The following UROS variants were observed in gnomAD, a reference collection of about 807,000 sequenced individuals.
UROS encodes the protein uroporphyrinogen III synthase.
UROS carries 18 observed loss-of-function variants against 33.0 expected under a neutral mutation model. The ratio of observed to expected loss-of-function variants is 0.55; its 90% CI spans 0.38 to 0.81. The LOEUF is 0.81. UROS is among the 30% of genes least tolerant of loss of function. The pLI, the probability that UROS is intolerant of heterozygous loss-of-function variation, is 0.00. For missense variants in UROS, 293 were observed against 314.9 expected (o/e 0.93, Z 0.53); for synonymous variants, 114 against 121.1 (o/e 0.94, Z 0.38).
chr10:125,802,304 G>A, intron 6 of UROS: 1 of 985,964 alleles, frequency 1.0e-6, no homozygotes, highest in South Asian at 4.7e-5. Context: ...AGTGCTCTCT[G>A]ATCCGGAAAG....
intron 6 of UROS, among the ~76,000 whole-genome samples, chr10:125,805,199 C>T (rs142336577): frequency 2.0e-5 from 3 of 152,218 alleles, no homozygotes; most frequent in African/African-American, 7.2e-5. Context: ...AGAAAAGGCC[C>T]GTGTAGTTCC....
chr10:125,809,967 T>C (rs1392638940), intron 5 of UROS, among the ~76,000 whole-genome samples: 1 of 152,232 alleles, frequency 6.6e-6, no homozygotes, highest in Non-Finnish European at 1.5e-5. Flanking sequence ...TCACTGGACT[T>C]CCACACCGAA....
chr10:125,819,166 T>C (rs1438290877), intron 1 of UROS, among the ~76,000 whole-genome samples: 1 of 152,204 alleles, frequency 6.6e-6, no homozygotes, highest in Admixed American at 6.5e-5. Context: ...TGTATTTTAG[T>C]AGAGATGGGG....
At chr10:125,789,424 A>C in intron 9 of UROS, 1 of 1,093,276 alleles carries the variant, frequency 9.1e-7, no homozygotes, top group Non-Finnish European at 1.1e-6. Context: ...AAGTAGAGCC[A>C]TCAAGGTCAG....
At chr10:125,807,694 G>C (rs1467862579) in intron 5 of UROS, among the ~76,000 whole-genome samples, 2 of 152,158 alleles carry the variant, frequency 1.3e-5, no homozygotes, top group Non-Finnish European at 2.9e-5. Flanking sequence ...CAGTTGTGTA[G>C]GCTGGGTAAG....
chr10:125,789,294 T>C, intron 9 of UROS: 1 of 1,367,210 alleles, frequency 7.3e-7, no homozygotes, highest in Non-Finnish European at 9.5e-7. Context: ...ATCACGGCTG[T>C]GTCAGTGCAG....
intron 6 of UROS, among the ~76,000 whole-genome samples, chr10:125,798,976 C>T (rs1044620941): frequency 2.6e-5 from 4 of 152,158 alleles, no homozygotes; most frequent in Non-Finnish European, 2.9e-5. Flanking sequence ...CACATCCATC[C>T]GTAAGACATA....
intron 6 of UROS, chr10:125,803,024 C>A: frequency 6.2e-7 from 1 of 1,612,894 alleles, no homozygotes; most frequent in Non-Finnish European, 8.5e-7. Flanking sequence ...GACTTCTTCA[C>A]CTGAGGGAAG....
At chr10:125,796,883 C>T (rs1851415501) in intron 7 of UROS, 1 of 984,808 alleles carries the variant, frequency 1.0e-6, no homozygotes, top group Non-Finnish European at 1.2e-6. Flanking sequence ...ATGGGAAACT[C>T]TCTCAGAAGA....
At chr10:125,785,249 C>T (rs1175197956), downstream of UROS, 1 of 152,208 alleles carries the variant, frequency 6.6e-6, no homozygotes, top group African/African-American at 2.4e-5. Flanking sequence ...ACTGGAGCTC[C>T]AGCTCTTCGA....
intron 6 of UROS, among the ~76,000 whole-genome samples, chr10:125,799,386 C>T (rs932774016): frequency 6.6e-6 from 1 of 152,112 alleles, no homozygotes; most frequent in Non-Finnish European, 1.5e-5. Flanking sequence ...TTTTCTTCCC[C>T]GTTTCTGTGT....
intron 1 of UROS, chr10:125,819,687 G>C (rs146148065): frequency 3.3e-5 from 5 of 152,952 alleles, no homozygotes. Flanking sequence ...GGCCCTCCTT[G>C]ATAGGAGGCT....
chr10:125,808,848 T>C (rs1852560411), intron 5 of UROS, among the ~76,000 whole-genome samples: 1 of 152,220 alleles, frequency 6.6e-6, no homozygotes, highest in African/African-American at 2.4e-5. Flanking sequence ...GTTTGGGGAA[T>C]GCATATTTGG....
chr10:125,799,229 T>C (rs950230922), intron 6 of UROS, among the ~76,000 whole-genome samples: 1 of 152,196 alleles, frequency 6.6e-6, no homozygotes, highest in African/African-American at 2.4e-5. Context: ...TCTGTAAATA[T>C]CTGTACCAAC....
At chr10:125,821,169 G>C (rs192556434) in intron 1 of UROS, among the ~76,000 whole-genome samples, 17 of 152,266 alleles carry the variant, frequency 1.1e-4, no homozygotes, top group African/African-American at 3.6e-4. Flanking sequence ...GCAGGGACTC[G>C]AACAGATATT....
At chr10:125,801,855 G>A (rs1370284867) in intron 6 of UROS, among the ~76,000 whole-genome samples, 5 of 152,142 alleles carry the variant, frequency 3.3e-5, no homozygotes, top group Non-Finnish European at 2.9e-5. Context: ...TGCAAAGCAG[G>A]GACACCAGCC....
At chr10:125,796,597 A>G (rs1851387180) in intron 7 of UROS, among the ~76,000 whole-genome samples, 1 of 152,150 alleles carries the variant, frequency 6.6e-6, no homozygotes, top group South Asian at 2.1e-4. Context: ...TGGAGTCCAG[A>G]TCCCCGGCTG....
chr10:125,817,397 C>T (rs1480778397), intron 1 of UROS, among the ~76,000 whole-genome samples: 1 of 151,162 alleles, frequency 6.6e-6, no homozygotes, highest in Non-Finnish European at 1.5e-5. Flanking sequence ...CTCTTTTCCT[C>T]ATTTCTGCTT....
At position 125,802,774 on chromosome 10, in the gene UROS, C is replaced by G. The variant is rs917730443; in HGVS notation, c.395-4629G>C. On this transcript the variant is annotated intron_variant, in intron 6 of 9. Transcript: ENST00000368797. Reference sequence around the variant, plus strand: ...TAGGGAGGGTAGGTCTGAGATGGCACGAACTCCCAGCGGTACAGACTGAGG... The same window carrying G: ...TAGGGAGGGTAGGTCTGAGATGGCAGGAACTCCCAGCGGTACAGACTGAGG... 4 of 1,427,622 alleles carry G rather than the reference C, an allele frequency of 2.8e-6. No homozygotes were observed. The South Asian group carries it at 4.5e-5, about 16-fold the overall frequency. 88.4% of individuals were successfully genotyped at this position (1,427,622 alleles called of 1,614,324 possible). A position where few individuals can be genotyped will look rare whatever the true frequency, so the allele number is the denominator to read the frequency against.
Sources: gnomAD v4.1 joint callset for allele counts (sites outside exome capture counted in the v4.1 genomes callset) on GRCh38, gnomAD v4.1.1 for gene constraint, MANE v1.5 for transcripts, NCBI Gene and HGNC (gene_info 2026-07-23, HGNC 2026-07-21) for gene names.